Variants in SMC5 observed in about 807,000 individuals in gnomAD.
SMC5 encodes the protein structural maintenance of chromosomes 5.
SMC5 carries 88 observed loss-of-function variants against 148.3 expected under a neutral mutation model. The observed-to-expected ratio is 0.59, with a 90% CI of 0.50 to 0.71. The LOEUF is 0.71. Among genes scored for constraint, SMC5 ranks in the 30% least tolerant of loss-of-function variants. SMC5 has a pLI of 0.00. For missense variants in SMC5, 1,142 were observed against 1,298.9 expected (o/e 0.88, Z 1.86); for synonymous variants, 421 against 432.8 (o/e 0.97, Z 0.34).
At position 70,303,957 on chromosome 9, in the gene SMC5, C is replaced by G. The variant is rs371258514; in HGVS notation, c.1465-1290C>G. Among the ~76,000 whole-genome samples the G allele has an allele frequency of 2.6e-5, 4 of 152,254 alleles. No homozygotes were observed. The East Asian group carries it at 7.7e-4, about 29-fold the overall frequency. On this transcript the variant is annotated intron_variant, in intron 10 of 24. Coordinates refer to ENST00000361138, the MANE Select transcript of SMC5 (RefSeq NM_015110.4). ...CTCTTAATGGGAGTTTTATCATGCT[C>G]TACTTTCAACATAGTTATTCATCTG... is the stretch of plus-strand genomic sequence containing the variant.
At chr9:70,316,121 C>A (rs1345784791) in intron 13 of SMC5, among the ~76,000 whole-genome samples, 1 of 151,966 alleles carries the variant, frequency 6.6e-6, no homozygotes, top group Non-Finnish European at 1.5e-5. Flanking sequence ...CTGTATTCTG[C>A]TAATGCTGTT....
At chr9:70,346,173 A>G (rs1242863793) in intron 18 of SMC5, among the ~76,000 whole-genome samples, 4 of 152,198 alleles carry the variant, frequency 2.6e-5, no homozygotes, top group African/African-American at 9.7e-5. Context: ...AAGTGAGGAT[A>G]TCGAGTAAAT....
At chr9:70,268,462 C>CAA (rs142412181) in intron 3 of SMC5, among the ~76,000 whole-genome samples, 4 of 142,330 alleles carry the variant, frequency 2.8e-5, no homozygotes, top group Non-Finnish European at 1.5e-5. Flanking sequence ...CTGCCCCCCC[C>CAA]AAAAAAAAAA....
At chr9:70,288,852 G>C (rs969255918) in intron 8 of SMC5, among the ~76,000 whole-genome samples, 1 of 151,522 alleles carries the variant, frequency 6.6e-6, no homozygotes, top group Non-Finnish European at 1.5e-5. Context: ...CTTTTTTTTG[G>C]CTTTTATTGT....
At chr9:70,278,974 T>C (rs1034179215) in intron 5 of SMC5, among the ~76,000 whole-genome samples, 1 of 152,184 alleles carries the variant, frequency 6.6e-6, no homozygotes, top group African/African-American at 2.4e-5. Context: ...CTTTGAGTAA[T>C]AGAAGAGATA....
intron 2 of SMC5, 34 bp downstream of exon 2, chr9:70,264,479 A>G (rs772101568): frequency 6.2e-7 from 1 of 1,607,966 alleles, no homozygotes; most frequent in Non-Finnish European, 8.5e-7. Flanking sequence ...AAGAAATTTC[A>G]AACCTATTAA....
At chr9:70,316,735 A>C (rs2035812295) in intron 13 of SMC5, among the ~76,000 whole-genome samples, 1 of 152,062 alleles carries the variant, frequency 6.6e-6, no homozygotes, top group African/African-American at 2.4e-5. Context: ...AGAAAGGAGC[A>C]ATTACTTCAT....
At chr9:70,315,364 T>C (rs974070830) in intron 12 of SMC5, 82 bp from the exon 13 acceptor site, 10 of 866,650 alleles carry the variant, frequency 1.2e-5, no homozygotes, top group Non-Finnish European at 1.7e-5. Context: ...TTTTACTTAT[T>C]GTTTATTGGT....
chr9:70,347,002 C>G (rs1250903109), intron 19 of SMC5, 64 bp from the exon 20 acceptor site: 6 of 1,213,510 alleles, frequency 4.9e-6, no homozygotes, highest in Non-Finnish European at 7.2e-6. Context: ...GATTATTTTT[C>G]TTTTAACTAT....
intron 12 of SMC5, among the ~76,000 whole-genome samples, chr9:70,315,118 G>T (rs1344608371): frequency 1.3e-5 from 2 of 151,886 alleles, no homozygotes; most frequent in Non-Finnish European, 2.9e-5. Flanking sequence ...CCTTCATAAT[G>T]CAGAAACAAT....
intron 22 of SMC5, among the ~76,000 whole-genome samples, chr9:70,348,683 C>T (rs2036729657): frequency 6.6e-6 from 1 of 150,466 alleles, no homozygotes; most frequent in South Asian, 2.1e-4. Flanking sequence ...AAAACCAGAC[C>T]TTGTCTCAAA....
intron 17 of SMC5, among the ~76,000 whole-genome samples, chr9:70,341,305 T>C (rs1031874869): frequency 2.0e-5 from 3 of 152,220 alleles, no homozygotes; most frequent in Non-Finnish European, 4.4e-5. Context: ...CTTCAAATTA[T>C]CAACTCATTG....
rs73647462 is a variant in SMC5 at position 70,323,612 on chromosome 9, G to T, written c.2274+6G>T. On this transcript the variant is annotated splice_donor_region_variant and intron_variant, in intron 16 of 24. Transcript: ENST00000361138. ...AATTAACAAACCTAATAAAGGTAAG[G>T]TATTGTTTTAATTTTAGTCATTTTT... 380 of 1,606,172 alleles carry T rather than the reference G, an allele frequency of 2.4e-4. 4 individuals carry two copies. In the South Asian group the frequency reaches 4.0e-3, roughly 17 times the overall value.
At chr9:70,277,844 A>G (rs2034634607) in intron 4 of SMC5, among the ~76,000 whole-genome samples, 1 of 151,536 alleles carries the variant, frequency 6.6e-6, no homozygotes, top group Non-Finnish European at 1.5e-5. Context: ...TATTTGATAT[A>G]ATAAAACTCC....
chr9:70,259,037 C>T lies in SMC5; in HGVS notation c.-42C>T, dbSNP rs778003437. On this transcript the variant is annotated 5_prime_UTR_variant, in exon 1 of 25. It adds an upstream start codon to the 5' untranslated region. Transcript: ENST00000361138. ...GCGCTTGGGCGCCTGGGCTGCCGGACGGTGGGAACGGAAGTCGCTGTGGGA... is the reference window on the plus strand; with the variant it reads ...GCGCTTGGGCGCCTGGGCTGCCGGATGGTGGGAACGGAAGTCGCTGTGGGA... The T allele has an allele frequency of 2.6e-6, 4 of 1,547,194 alleles. No homozygotes were observed. Among genetic ancestry groups the T allele is most frequent in the East Asian group, 2.3e-5 (1 of 42,676 alleles).
At chr9:70,268,460 C>A (rs945098501) in intron 3 of SMC5, among the ~76,000 whole-genome samples, 1 of 149,152 alleles carries the variant, frequency 6.7e-6, no homozygotes. Flanking sequence ...CCCTGCCCCC[C>A]CCAAAAAAAA....
At chr9:70,297,905 A>T (rs2035242877) in intron 8 of SMC5, 61 bp from the exon 9 acceptor site, 1 of 1,537,678 alleles carries the variant, frequency 6.5e-7, no homozygotes. Flanking sequence ...ATATTACTAC[A>T]GAAGTCTTAT....
chr9:70,318,413 A>G, intron 13 of SMC5, 101 bp from the exon 14 acceptor site: 2 of 1,018,226 alleles, frequency 2.0e-6, no homozygotes, highest in South Asian at 2.2e-5. Context: ...TATCTCGTAT[A>G]TTTTGATCTT....
chr9:70,304,771 A>G (rs1422628999), intron 10 of SMC5, among the ~76,000 whole-genome samples: 4 of 151,984 alleles, frequency 2.6e-5, no homozygotes, highest in Admixed American at 1.3e-4. Flanking sequence ...GAGGGCTGTA[A>G]TAGTTACAAA....
Sources: gnomAD v4.1 joint callset for allele counts (sites outside exome capture counted in the v4.1 genomes callset) on GRCh38, gnomAD v4.1.1 for gene constraint, MANE v1.5 for transcripts, NCBI Gene and HGNC (gene_info 2026-07-23, HGNC 2026-07-21) for gene names.